PNLIP: variants seen among roughly 807,000 people sequenced by gnomAD.
The protein encoded by PNLIP is pancreatic lipase.
PNLIP carries 49 observed loss-of-function variants against 57.1 expected under a neutral mutation model. The ratio of observed to expected loss-of-function variants is 0.86; its 90% CI spans 0.68 to 1.09. PNLIP has a LOEUF of 1.09. PNLIP is among the 50% of genes least tolerant of loss of function. PNLIP has a pLI of 0.00. For synonymous variants in PNLIP, 209 were observed against 200.4 expected (o/e 1.04, Z -0.36); for missense variants, 503 against 570.2 (o/e 0.88, Z 1.20).
chr10:116,547,266 A>G, intron 2 of PNLIP, 28 bp from the exon 3 acceptor site: 1 of 1,611,744 alleles, frequency 6.2e-7, no homozygotes, highest in East Asian at 2.2e-5. Flanking sequence ...CATGTTTGTA[A>G]AACTAATATC....
Position 116,561,615 on chromosome 10 carries a change from T to C in PNLIP, c.1313T>C (p.Val438Ala), listed in dbSNP as rs760673062. ...AGAGTGGGAGCATCCAAGATTATAGTGGAGACAAATGTTGGAAAACAGTAA... is the reference window on the plus strand; with the variant it reads ...AGAGTGGGAGCATCCAAGATTATAGCGGAGACAAATGTTGGAAAACAGTAA... ...LPRVGASKII[V>A]ETNVGKQFNF... is the part of the protein sequence containing the mutation. The change falls in exon 12 of 13, where the codon GTG becomes GCG. Residue 438 changes from valine to alanine, a missense_variant. Physicochemically the swap from Val to Ala is moderately conservative, Grantham distance 64. Coordinates refer to ENST00000369221, the MANE Select transcript of PNLIP (RefSeq NM_000936.4). The C allele has an allele frequency of 1.9e-6, 3 of 1,611,004 alleles. No individual in the cohort carries two copies. Among genetic ancestry groups the C allele is most frequent in the Non-Finnish European group, 2.5e-6 (3 of 1,178,558 alleles).
At chr10:116,560,934 G>A (rs573375372) in intron 11 of PNLIP, among the ~76,000 whole-genome samples, 28 of 152,234 alleles carry the variant, frequency 1.8e-4, no homozygotes, top group African/African-American at 6.3e-4. Context: ...CGACATAAGA[G>A]TTTGTCTATT....
At chr10:116,556,191 C>G (rs555490319) in intron 9 of PNLIP, 73 bp downstream of exon 9, 10 of 798,814 alleles carry the variant, frequency 1.3e-5, no homozygotes, top group Non-Finnish European at 2.0e-5. Context: ...CTTTCCTATA[C>G]ATGACATCAT....
intron 12 of PNLIP, among the ~76,000 whole-genome samples, chr10:116,567,366 G>A (rs771057009): frequency 1.6e-4 from 25 of 152,046 alleles, no homozygotes; most frequent in African/African-American, 2.7e-4. Flanking sequence ...GTTAGCCAAC[G>A]TAACACCAGA....
chr10:116,558,198 T>TC (rs1248407075), intron 9 of PNLIP, among the ~76,000 whole-genome samples: 10 of 113,764 alleles, frequency 8.8e-5, no homozygotes, highest in African/African-American at 2.8e-4. Context: ...AATCTTTCTT[T>TC]CTTTTTTTTT....
At chr10:116,567,637 C>T (rs972311098) in intron 12 of PNLIP, 98 bp from the exon 13 acceptor site, 3 of 981,044 alleles carry the variant, frequency 3.1e-6, no homozygotes, top group Admixed American at 1.8e-5. Flanking sequence ...GCGCCCTTCC[C>T]TCAGACTAGG....
intron 12 of PNLIP, among the ~76,000 whole-genome samples, chr10:116,566,830 T>C (rs1398646128): frequency 6.6e-6 from 1 of 152,154 alleles, no homozygotes; most frequent in East Asian, 1.9e-4. Context: ...CTGCCAGTCA[T>C]TGAGGAAGTG....
At chr10:116,547,056 G>A (rs903295725) in intron 2 of PNLIP, among the ~76,000 whole-genome samples, 4 of 152,138 alleles carry the variant, frequency 2.6e-5, no homozygotes, top group African/African-American at 9.7e-5. Flanking sequence ...TTGGGATTGG[G>A]CAGAGACACA....
chr10:116,553,684 G>GACTGC (rs989256163), intron 5 of PNLIP, 43 bp from the exon 6 acceptor site: 4 of 1,176,444 alleles, frequency 3.4e-6, no homozygotes, highest in Non-Finnish European at 3.8e-6. Flanking sequence ...AGCAACTCAT[G>GACTGC]ACTGCACTTG....
rs757210059 is a variant in PNLIP at position 116,553,731 on chromosome 10, C to T, written c.464C>T (p.Ala155Val). 5.6e-6 allele frequency: 9 copies of T among 1,604,264 alleles called. No individual in the cohort carries two copies. Among genetic ancestry groups the T allele is most frequent in the South Asian group, 2.2e-5 (2 of 90,784 alleles). The change falls in exon 6 of 13, where the codon GCG (alanine) becomes GTG (valine). Residue 155 changes from alanine (A) to valine (V), a missense_variant. Transcript: ENST00000369221. The part of the protein sequence containing the change: ...VAYFVEFLQS[A>V]FGYSPSNVHV... Reference sequence around the variant, plus strand: ...AAAAGGTTTTCTTTCCGACAGTCGGCGTTCGGTTACTCACCTTCCAATGTG... The same window carrying T: ...AAAAGGTTTTCTTTCCGACAGTCGGTGTTCGGTTACTCACCTTCCAATGTG...
At chr10:116,555,073 G>A in intron 6 of PNLIP, 105 bp from the exon 7 acceptor site, 1 of 1,306,366 alleles carries the variant, frequency 7.7e-7, no homozygotes, top group Middle Eastern at 2.2e-4. Context: ...AAATGGTCAG[G>A]TAAGGAAGAA....
chr10:116,566,617 A>C, intron 12 of PNLIP, among the ~76,000 whole-genome samples: 1 of 152,210 alleles, frequency 6.6e-6, no homozygotes, highest in East Asian at 1.9e-4. Flanking sequence ...CCTATGAGGT[A>C]GATGGTTTTA....
intron 5 of PNLIP, among the ~76,000 whole-genome samples, chr10:116,552,433 G>T (rs984066217): frequency 1.3e-5 from 2 of 152,054 alleles, no homozygotes; most frequent in African/African-American, 4.8e-5. Flanking sequence ...GCTAATGCAG[G>T]TGTTTGTGTC....
intron 12 of PNLIP, among the ~76,000 whole-genome samples, chr10:116,562,825 T>G (rs1298296524): frequency 6.6e-6 from 1 of 152,214 alleles, no homozygotes. Context: ...GGTAGAGTAT[T>G]TTAGAAGGTC....
Position 116,556,076 on chromosome 10 carries a change from C to T in PNLIP, c.888C>T (p.Gly296=). The T allele has an allele frequency of 1.2e-6, 2 of 1,613,644 alleles. No homozygotes were observed. The highest frequency in any genetic ancestry group is 1.7e-6 in the Non-Finnish European group (2 of 1,179,554). ...YYTDSIVNPD[G]FAGFPCASYN... is the part of the protein sequence containing the mutation. ...CTGATAGCATCGTCAACCCTGATGG[C>T]TTTGCTGGATTCCCCTGTGCCTCTT... Residue 296 remains glycine (G), a synonymous_variant, in exon 9 of 13, where the codon GGC becomes GGT. Transcript: ENST00000369221.
At chr10:116,546,254 A>T in intron 2 of PNLIP, 116 bp downstream of exon 2, 1 of 866,028 alleles carries the variant, frequency 1.2e-6, no homozygotes, top group South Asian at 1.4e-5. Context: ...TTCAAGGAGT[A>T]AAGCACAGGA....
At chr10:116,550,890 A>T (rs1375702063) in intron 4 of PNLIP, among the ~76,000 whole-genome samples, 1 of 152,206 alleles carries the variant, frequency 6.6e-6, no homozygotes, top group African/African-American at 2.4e-5. Flanking sequence ...TCCAGTTCCC[A>T]CTATGGTCAA....
At position 116,548,412 on chromosome 10, in the gene PNLIP, G is replaced by T. The variant is rs373984432; in HGVS notation, c.254G>T (p.Arg85Ile). 47 of 1,613,934 alleles carry T rather than the reference G, an allele frequency of 2.9e-5. No individual in the cohort carries two copies. The highest frequency in any genetic ancestry group is 3.9e-5 in the Non-Finnish European group (46 of 1,179,944). The change falls in exon 4 of 13, where the codon AGA becomes ATA. Residue 85 changes from arginine to isoleucine, a missense_variant. Arg to Ile is a moderately conservative substitution (Grantham distance 97). Coordinates refer to ENST00000369221, the MANE Select transcript of PNLIP (RefSeq NM_000936.4). Reference sequence around the variant, plus strand: ...AGTGGCTCCAATTTCAAAACAAATAGAAAAACTCGCTTTATTATTCATGGA... The same window carrying T: ...AGTGGCTCCAATTTCAAAACAAATATAAAAACTCGCTTTATTATTCATGGA... ...SISGSNFKTN[R>I]KTRFIIHGFI...
rs751954928 is a variant in PNLIP at position 116,567,822 on chromosome 10, G to T, written c.*24G>T. 1.3e-6 allele frequency: 2 copies of T among 1,564,294 alleles called. No homozygotes were observed. Among genetic ancestry groups the T allele is most frequent in the Non-Finnish European group, 1.8e-6 (2 of 1,134,742 alleles). On this transcript the variant is annotated 3_prime_UTR_variant, in exon 13 of 13. Transcript: ENST00000369221. ...AGGAGACTACTGTTATTTGACCAAT[G>T]AATTGACTTCTAATAAAATCTAGTG...
Sources: allele counts gnomAD v4.1 joint callset (sites outside exome capture counted in the v4.1 genomes callset), GRCh38; gene constraint gnomAD v4.1.1; transcripts MANE v1.5; gene names NCBI Gene and HGNC (gene_info 2026-07-23, HGNC 2026-07-21).